Variants in EIF4E3 observed in about 807,000 individuals in gnomAD.
EIF4E3 encodes eukaryotic translation initiation factor 4E family member 3.
A neutral mutation model predicts 31.7 loss-of-function variants in EIF4E3; 26 were observed. The observed-to-expected ratio is 0.82, with a 90% CI of 0.60 to 1.14. The LOEUF is 1.14. Ranked by LOEUF, EIF4E3 falls within the 50% of genes most tolerant of loss-of-function variation. The pLI is 0.00. For missense variants in EIF4E3, 304 were observed against 270.9 expected (o/e 1.12, Z -0.86); for synonymous variants, 128 against 107.7 (o/e 1.19, Z -1.17).
chr3:71,749,055 G>A (rs1216835631), intron 1 of EIF4E3, among the ~76,000 whole-genome samples: 1 of 152,238 alleles, frequency 6.6e-6, no homozygotes, highest in Non-Finnish European at 1.5e-5. Flanking sequence ...ATATAGTCAG[G>A]TAAGAGCAAA....
chr3:71,695,805 T>C (rs2049128136), intron 4 of EIF4E3, among the ~76,000 whole-genome samples: 1 of 152,218 alleles, frequency 6.6e-6, no homozygotes, highest in Non-Finnish European at 1.5e-5. Context: ...AAGAAGCTTT[T>C]TAGTTTCCCA....
Position 71,696,469 on chromosome 3 carries a change from C to T in EIF4E3, c.396G>A (p.Lys132=), listed in dbSNP as rs1193886106. 6.2e-7 allele frequency: 1 copy of T among 1,614,010 alleles called. No homozygotes were observed. The highest frequency in any genetic ancestry group is 8.5e-7 in the Non-Finnish European group (1 of 1,180,034). The change falls in exon 4 of 7, where the codon AAG becomes AAA. Residue 132 remains lysine, a synonymous_variant. Coordinates refer to ENST00000425534, the MANE Select transcript of EIF4E3 (RefSeq NM_001134651.2). ...KGGVWKMKVP[K]DSTSTVWKEL... is the part of the protein sequence containing the mutation. ...ATCAGTAGGAACCTACCGTGCTGTC[C>T]TTGGGGACTTTCATCTTCCATACGC...
intron 2 of EIF4E3, among the ~76,000 whole-genome samples, chr3:71,708,922 T>C (rs944564860): frequency 6.6e-5 from 10 of 152,136 alleles, no homozygotes; most frequent in African/African-American, 2.4e-4. Context: ...CCCACAAGCT[T>C]ATGTCATTTC....
At position 71,677,072 on chromosome 3, in the gene EIF4E3, T is replaced by C. The variant is rs2048880059; in HGVS notation, c.*7610A>G. The C allele has an allele frequency of 6.6e-6, 1 of 152,224 alleles. No homozygotes were observed. Among genetic ancestry groups the C allele is most frequent in the South Asian group, 2.1e-4 (1 of 4,836 alleles). The allele number at this position is 152,224 out of a possible 1,614,324, so 9.4% of individuals were successfully genotyped here. A position where few individuals can be genotyped will look rare whatever the true frequency, so the allele number is the denominator to read the frequency against. On this transcript the variant is annotated 3_prime_UTR_variant, in exon 7 of 7. Transcript: ENST00000425534. Reference sequence around the variant, plus strand: ...CACACACATTTAGCCCTGCCATCTGTACAAATGGTACCAGAGTTCAACATG... The same window carrying C: ...CACACACATTTAGCCCTGCCATCTGCACAAATGGTACCAGAGTTCAACATG...
chr3:71,693,794 G>A (rs779898250), intron 5 of EIF4E3, 81 bp downstream of exon 5: 160 of 1,268,904 alleles, frequency 1.3e-4, no homozygotes, highest in East Asian at 3.3e-4. Context: ...AGTCAAACAC[G>A]TGATAACAAG....
chr3:71,700,939 G>A (rs2049207870), intron 2 of EIF4E3, among the ~76,000 whole-genome samples: 1 of 152,266 alleles, frequency 6.6e-6, no homozygotes, highest in African/African-American at 2.4e-5. Context: ...TAGTCACCAT[G>A]ACAGGCTTGG....
At chr3:71,714,047 C>G (rs973290963) in intron 1 of EIF4E3, among the ~76,000 whole-genome samples, 4 of 151,948 alleles carry the variant, frequency 2.6e-5, no homozygotes, top group Non-Finnish European at 4.4e-5. Flanking sequence ...CCAGGCTCTA[C>G]TAAAAATACA....
At chr3:71,727,317 CT>C (rs2049652529), upstream of EIF4E3, among the ~76,000 whole-genome samples, 1 of 152,206 alleles carries the variant, frequency 6.6e-6, no homozygotes, top group Admixed American at 6.5e-5. Context: ...AAATCTATAT[CT>C]TTTTTATAAC....
chr3:71,713,261 C>G (rs1301159629), intron 1 of EIF4E3, among the ~76,000 whole-genome samples: 2 of 152,148 alleles, frequency 1.3e-5, no homozygotes. Context: ...TTGCCCATAG[C>G]CACAAATATG....
At chr3:71,698,540 C>G (rs1471882355) in intron 3 of EIF4E3, among the ~76,000 whole-genome samples, 1 of 152,222 alleles carries the variant, frequency 6.6e-6, no homozygotes, top group African/African-American at 2.4e-5. Flanking sequence ...GTGAGATCCA[C>G]TCAGGCAGGG....
intron 2 of EIF4E3, among the ~76,000 whole-genome samples, chr3:71,702,820 G>A (rs539768771): frequency 1.3e-5 from 2 of 151,966 alleles, no homozygotes; most frequent in Admixed American, 6.6e-5. Flanking sequence ...TATGTCTGCT[G>A]GTGAAATACC....
intron 1 of EIF4E3, among the ~76,000 whole-genome samples, chr3:71,722,531 T>C (rs762876205): frequency 6.6e-6 from 1 of 152,176 alleles, no homozygotes; most frequent in Non-Finnish European, 1.5e-5. Flanking sequence ...GTTTTAAATG[T>C]CCAGAAAAGG....
At chr3:71,704,959 G>A (rs2049269229) in intron 2 of EIF4E3, among the ~76,000 whole-genome samples, 2 of 152,302 alleles carry the variant, frequency 1.3e-5, no homozygotes, top group South Asian at 4.1e-4. Context: ...ATCCTATTAT[G>A]CATATAATGA....
chr3:71,675,177 A>T (rs369733751), downstream of EIF4E3, among the ~76,000 whole-genome samples: 4 of 152,178 alleles, frequency 2.6e-5, no homozygotes, highest in African/African-American at 9.7e-5. Flanking sequence ...TTGCAAACAC[A>T]AATAGTTAAA....
At chr3:71,661,688 G>A in the EIF4E3 span, among the ~76,000 whole-genome samples, 1 of 152,210 alleles carries the variant, frequency 6.6e-6, no homozygotes, top group South Asian at 2.1e-4. Context: ...CATGGAGCAA[G>A]AGAGTCCAAG....
chr3:71,727,011 G>A (rs964644195), upstream of EIF4E3, among the ~76,000 whole-genome samples: 4 of 152,192 alleles, frequency 2.6e-5, no homozygotes, highest in Non-Finnish European at 5.9e-5. Context: ...TTTTACAGAT[G>A]AGGAACAGAG....
At chr3:71,692,001 A>G (rs1402300132) in intron 5 of EIF4E3, among the ~76,000 whole-genome samples, 2 of 152,164 alleles carry the variant, frequency 1.3e-5, no homozygotes, top group Non-Finnish European at 2.9e-5. Context: ...TATTGGTCAA[A>G]GCGTAATGTA....
intron 1 of EIF4E3, among the ~76,000 whole-genome samples, chr3:71,746,417 A>T (rs1191907160): frequency 2.0e-5 from 3 of 152,260 alleles, no homozygotes; most frequent in African/African-American, 4.8e-5. Flanking sequence ...TTACCTAAAC[A>T]TCAAAGCCCC....
At chr3:71,720,387 G>T (rs907806321) in intron 1 of EIF4E3, among the ~76,000 whole-genome samples, 1 of 152,068 alleles carries the variant, frequency 6.6e-6, no homozygotes, top group South Asian at 2.1e-4. Context: ...TAGAGACGAG[G>T]TATTGCTATG....
Sources: allele counts gnomAD v4.1 joint callset (sites outside exome capture counted in the v4.1 genomes callset), GRCh38; gene constraint gnomAD v4.1.1; transcripts MANE v1.5; gene names NCBI Gene and HGNC (gene_info 2026-07-23, HGNC 2026-07-21).